The following TNS1 variants were observed in gnomAD, a reference collection of about 807,000 sequenced individuals.
TNS1 encodes the protein tensin-1.
Under a neutral mutation model 168.6 loss-of-function variants are expected in TNS1, and 62 were observed. That is an observed-to-expected ratio of 0.37 (90% CI 0.30 to 0.45). The LOEUF is 0.45. Ranked by LOEUF, TNS1 falls within the 20% of genes least tolerant of loss-of-function variation. The pLI is 1.00. For missense variants in TNS1, 2,240 were observed against 2,339.4 expected, an observed-to-expected ratio of 0.96 and a Z score of 0.88; for synonymous variants, 934 against 933.2, an observed-to-expected ratio of 1.00 and a Z score of -0.02.
chr2:217,906,393 CAG>C lies in TNS1; in HGVS notation c.271-10_271-9del, dbSNP rs767620285. 235 of 702,426 alleles carry C rather than the reference CAG, an allele frequency of 3.3e-4. No homozygotes were observed. The highest frequency in any genetic ancestry group is 5.7e-4 in the Non-Finnish European group (219 of 384,802). The allele number at this position is 702,426 out of a possible 1,614,324, so 43.5% of individuals were successfully genotyped here. A position where few individuals can be genotyped will look rare whatever the true frequency, so the allele number is the denominator to read the frequency against. Reference sequence around the variant, plus strand: ...CCGGGAGGCTCCTTCTCCCTGCAGACAGAGAAAAGGCAGTCAGAGAGGGGAGG... The same window carrying C: ...CCGGGAGGCTCCTTCTCCCTGCAGACAGAAAAGGCAGTCAGAGAGGGGAGG... On this transcript the variant is annotated splice_polypyrimidine_tract_variant and intron_variant, in intron 5 of 32. Transcript: ENST00000682258.
intron 1 of TNS1, among the ~76,000 whole-genome samples, chr2:218,030,937 A>G (rs1174344607): frequency 6.6e-6 from 1 of 151,584 alleles, no homozygotes; most frequent in Non-Finnish European, 1.5e-5. Flanking sequence ...GTGTGAGCAT[A>G]AGTATGAGTG....
upstream of TNS1, among the ~76,000 whole-genome samples, chr2:218,004,032 G>A (rs553953573): frequency 1.3e-5 from 2 of 152,284 alleles, no homozygotes; most frequent in African/African-American, 2.4e-5. Flanking sequence ...GAACCACCAC[G>A]TTCCCCTCCA....
At chr2:217,865,435 T>A (rs553168192) in intron 18 of TNS1, among the ~76,000 whole-genome samples, 1 of 152,336 alleles carries the variant, frequency 6.6e-6, no homozygotes, top group South Asian at 2.1e-4. Context: ...TCAAGCAATG[T>A]GCAGACAGAG....
chr2:217,851,119 CACAA>C (rs1366948189), intron 18 of TNS1, among the ~76,000 whole-genome samples: 2 of 149,520 alleles, frequency 1.3e-5, no homozygotes, highest in African/African-American at 2.5e-5. Context: ...TCCCTCATAT[CACAA>C]ACACACACAC....
intron 18 of TNS1, among the ~76,000 whole-genome samples, chr2:217,867,254 T>C (rs773004342): frequency 2.0e-5 from 3 of 152,192 alleles, no homozygotes; most frequent in Admixed American, 6.5e-5. Context: ...ATACAGTCCT[T>C]ATGAAGGCCA....
chr2:217,990,970 G>A lies in TNS1; in HGVS notation c.120C>T (p.Val40=). 5 of 687,308 alleles carry A rather than the reference G, an allele frequency of 7.3e-6. No homozygotes were observed. The highest frequency in any genetic ancestry group is 1.3e-5 in the Non-Finnish European group (5 of 373,490). The allele number at this position is 687,308 out of a possible 1,614,324, so 42.6% of individuals were successfully genotyped here. A position where few individuals can be genotyped will look rare whatever the true frequency, so the allele number is the denominator to read the frequency against. Residue 40 remains valine, a synonymous_variant, in exon 2 of 33, where the codon GTC becomes GTT. Transcript: ENST00000682258. ...TGCAGGTGCAGCCTTCCTGGGTGAT[G>A]ACCTGGCGGCAGATCCCACAGGGCT... is the stretch of plus-strand genomic sequence containing the variant. ...KVKPCGICRQ[V]ITQEGCTCKV... is the part of the protein sequence containing the mutation.
chr2:217,833,981 C>CA lies in TNS1; in HGVS notation c.3280+1109dup, dbSNP rs1465749894. On this transcript the variant is annotated intron_variant, in intron 21 of 32. Transcript: ENST00000682258. ...TATTGAAAGGATATTTTGGATTTAACAAAAATGTTATTAAAATTAATGTAA... is the reference window on the plus strand; with the variant it reads ...TATTGAAAGGATATTTTGGATTTAACAAAAAATGTTATTAAAATTAATGTAA... Among the ~76,000 whole-genome samples the CA allele has an allele frequency of 2.6e-5, 4 of 152,262 alleles. No individual in the cohort carries two copies. In the South Asian group the frequency reaches 8.3e-4, roughly 32 times the overall value.
At chr2:217,898,373 C>A (rs981336900) in intron 7 of TNS1, among the ~76,000 whole-genome samples, 1 of 152,238 alleles carries the variant, frequency 6.6e-6, no homozygotes, top group South Asian at 2.1e-4. Flanking sequence ...CCGAAAGGCC[C>A]CAGACTGCTC....
At chr2:217,978,402 G>A (rs1350089613) in intron 3 of TNS1, among the ~76,000 whole-genome samples, 2 of 152,118 alleles carry the variant, frequency 1.3e-5, no homozygotes, top group African/African-American at 4.8e-5. Context: ...GCGGCCCGGG[G>A]TAATTGAAAT....
chr2:217,944,584 T>C (rs1366117170), intron 3 of TNS1, among the ~76,000 whole-genome samples: 3 of 152,252 alleles, frequency 2.0e-5, no homozygotes, highest in Non-Finnish European at 4.4e-5. Flanking sequence ...CTTCTGAACC[T>C]GCTTTTTTCT....
chr2:217,918,464 G>A (rs1438304659), intron 4 of TNS1, among the ~76,000 whole-genome samples: 2 of 152,194 alleles, frequency 1.3e-5, no homozygotes, highest in Admixed American at 1.3e-4. Flanking sequence ...CCCTGCACAG[G>A]CGGGGCACCT....
At chr2:217,891,085 CA>C in intron 11 of TNS1, 40 bp from the exon 12 acceptor site, 1 of 1,605,166 alleles carries the variant, frequency 6.2e-7, no homozygotes, top group Non-Finnish European at 8.5e-7. Context: ...GCAACTCCTG[CA>C]TCCAAGAGCC....
At chr2:217,806,747 A>G (rs1261363067) in intron 32 of TNS1, among the ~76,000 whole-genome samples, 1 of 152,200 alleles carries the variant, frequency 6.6e-6, no homozygotes, top group African/African-American at 2.4e-5. Flanking sequence ...CAGTCCATTC[A>G]TTCGGACTGA....
chr2:217,910,486 G>A (rs367663165), intron 4 of TNS1, among the ~76,000 whole-genome samples: 88 of 152,076 alleles, frequency 5.8e-4, no homozygotes, highest in African/African-American at 1.9e-3. Context: ...CAGCCTTGGG[G>A]CTACTGGGAA....
chr2:217,826,686 A>G, intron 22 of TNS1, among the ~76,000 whole-genome samples: 1 of 152,100 alleles, frequency 6.6e-6, no homozygotes, highest in Non-Finnish European at 1.5e-5. Context: ...CCTTCCCTCC[A>G]ATCCTGGAGC....
intron 4 of TNS1, among the ~76,000 whole-genome samples, chr2:217,913,609 C>A (rs188890422): frequency 4.8e-4 from 73 of 152,262 alleles, no homozygotes; most frequent in South Asian, 4.1e-3. Context: ...CACCCTGAAA[C>A]TGGCAGCAGA....
chr2:218,005,439 C>T (rs1237792019), upstream of TNS1, among the ~76,000 whole-genome samples: 1 of 152,210 alleles, frequency 6.6e-6, no homozygotes, highest in Non-Finnish European at 1.5e-5. Context: ...CTTCTCCAAG[C>T]CTATGGGGTC....
At chr2:217,856,770 G>T (rs1387688482) in intron 18 of TNS1, among the ~76,000 whole-genome samples, 2 of 152,076 alleles carry the variant, frequency 1.3e-5, no homozygotes, top group African/African-American at 4.8e-5. Context: ...CTGTGGGCAG[G>T]GACAGACCAG....
At chr2:218,030,969 G>C (rs1002935189) in intron 1 of TNS1, among the ~76,000 whole-genome samples, 1 of 151,958 alleles carries the variant, frequency 6.6e-6, no homozygotes, top group Non-Finnish European at 1.5e-5. Flanking sequence ...GAGCATGTGT[G>C]TGAACTGTGT....
Sources: gnomAD v4.1 joint callset for allele counts (sites outside exome capture counted in the v4.1 genomes callset) on GRCh38, gnomAD v4.1.1 for gene constraint, MANE v1.5 for transcripts, NCBI Gene and HGNC (gene_info 2026-07-23, HGNC 2026-07-21) for gene names.